ZHX3: variants seen among roughly 807,000 people sequenced by gnomAD.
The protein encoded by ZHX3 is zinc fingers and homeoboxes 3, also known as zinc fingers and homeoboxes protein 3.
ZHX3 carries 20 observed loss-of-function variants against 64.5 expected under a neutral mutation model. The observed-to-expected ratio is 0.31, with a 90% CI of 0.22 to 0.45. The LOEUF is 0.45. Among genes scored for constraint, ZHX3 ranks in the 20% least tolerant of loss-of-function variants. The probability of loss-of-function intolerance (pLI) is 1.00; values close to 1 mark genes in which losing one functional copy is unlikely to be tolerated. For synonymous variants in ZHX3, 423 were observed against 461.6 expected (o/e 0.92, Z 1.07); for missense variants, 1,041 against 1,195.8 (o/e 0.87, Z 1.91).
At chr20:41,257,804 G>C (rs2042341421) in intron 2 of ZHX3, among the ~76,000 whole-genome samples, 1 of 145,692 alleles carries the variant, frequency 6.9e-6, no homozygotes, top group Non-Finnish European at 1.5e-5. Flanking sequence ...GTAGAGACGG[G>C]GTTTCACCAT....
intron 2 of ZHX3, among the ~76,000 whole-genome samples, chr20:41,211,861 C>A (rs2039181885): frequency 6.6e-6 from 1 of 152,192 alleles, no homozygotes; most frequent in Non-Finnish European, 1.5e-5. Context: ...ATCAACATTT[C>A]TAAGCTCCTT....
Position 41,184,005 on chromosome 20 carries a change from G to T in ZHX3, c.*1186C>A, listed in dbSNP as rs1182694245. On this transcript the variant is annotated 3_prime_UTR_variant, in exon 4 of 4. Transcript: ENST00000683867. ...GACCAGTGATGCCCAGCACCCTTGG[G>T]CATGCATCCAGCACACCGGCCAGAC... 2.0e-5 allele frequency: 3 copies of T among 152,164 alleles called. No homozygotes were observed. Among genetic ancestry groups the T allele is most frequent in the Non-Finnish European group, 4.4e-5 (3 of 68,062 alleles). The allele number at this position is 152,164 out of a possible 1,614,324, so 9.4% of individuals were successfully genotyped here.
chr20:41,257,122 A>C (rs1436548784), intron 2 of ZHX3, among the ~76,000 whole-genome samples: 1 of 152,198 alleles, frequency 6.6e-6, no homozygotes, highest in African/African-American at 2.4e-5. Flanking sequence ...AAATGCCTCC[A>C]GAAGATTGTG....
intron 2 of ZHX3, among the ~76,000 whole-genome samples, chr20:41,257,612 CTTTT>C (rs1223401714): frequency 2.9e-5 from 4 of 137,812 alleles, no homozygotes; most frequent in East Asian, 2.1e-4. Context: ...TCTTTTCTTT[CTTTT>C]TTTTTTTTTT....
Position 41,201,390 on chromosome 20 carries a change from AAATC to A in ZHX3, c.2860+663_2860+666del. The stretch of plus-strand genomic sequence containing the variant: ...GGAACTCAGTGACCAGGAACCTAGA[AAATC>A]AACACGTAATAACATGACTTGTCTG... On this transcript the variant is annotated intron_variant, in intron 3 of 3. Coordinates refer to ENST00000683867, the MANE Select transcript of ZHX3 (RefSeq NM_001384317.1). This position sits in a 1 kb window ranked among gnomAD's most constrained non-coding sequence, Gnocchi z 5.0. 7.7e-7 allele frequency: 1 copy of A among 1,302,300 alleles called. No homozygotes were observed. Among genetic ancestry groups the A allele is most frequent in the Non-Finnish European group, 1.0e-6 (1 of 986,908 alleles). The allele number at this position is 1,302,300 out of a possible 1,614,324, so 80.7% of individuals were successfully genotyped here.
chr20:41,196,398 T>C (rs1378769325), intron 3 of ZHX3, among the ~76,000 whole-genome samples: 7 of 40,150 alleles, frequency 1.7e-4, no homozygotes, highest in African/African-American at 1.8e-4. Context: ...TATATTTATA[T>C]ATATTATATA....
At chr20:41,242,355 G>C (rs1206625595) in intron 2 of ZHX3, among the ~76,000 whole-genome samples, 26 of 152,202 alleles carry the variant, frequency 1.7e-4, no homozygotes, top group Admixed American at 1.7e-3. Context: ...CAATTCCAAA[G>C]CCTAGATTCT....
intron 2 of ZHX3, among the ~76,000 whole-genome samples, chr20:41,265,089 T>C (rs1401070643): frequency 1.3e-5 from 2 of 151,652 alleles, no homozygotes; most frequent in Non-Finnish European, 2.9e-5. Flanking sequence ...AACATAAAAA[T>C]GAAGGAGAGA....
chr20:41,192,149 G>A (rs1190351508), intron 3 of ZHX3, among the ~76,000 whole-genome samples: 1 of 152,154 alleles, frequency 6.6e-6, no homozygotes, highest in East Asian at 1.9e-4. Flanking sequence ...AACAGGCTGG[G>A]CGGCCCATTC....
intron 1 of ZHX3, among the ~76,000 whole-genome samples, chr20:41,282,756 C>A (rs546315406): frequency 6.6e-6 from 1 of 152,258 alleles, no homozygotes; most frequent in African/African-American, 2.4e-5. Context: ...TTGAACTGGG[C>A]AAACAAGGAA....
chr20:41,310,924 T>C lies in ZHX3; in HGVS notation c.-245+6585A>G, dbSNP rs564233506. On this transcript the variant is annotated intron_variant, in intron 1 of 3. Coordinates refer to ENST00000683867, the MANE Select transcript of ZHX3 (RefSeq NM_001384317.1). ...CCCAGGTTCAAGCAATTCTCCTGCC[T>C]CAGCCTCCTGAGTAGCTGGGACTAC... Among the ~76,000 whole-genome samples the C allele has an allele frequency of 1.2e-4, 18 of 147,620 alleles. 1 individual carries two copies. In the East Asian group the frequency reaches 3.6e-3, roughly 29 times the overall value.
At chr20:41,240,169 G>GTATTTTTT (rs899731563) in intron 2 of ZHX3, among the ~76,000 whole-genome samples, 1 of 152,076 alleles carries the variant, frequency 6.6e-6, no homozygotes, top group Non-Finnish European at 1.5e-5. Context: ...GCTAATTTTT[G>GTATTTTTT]TATTTTTTTA....
In ZHX3 at chr20:41,204,727, G is replaced by A; in HGVS notation, c.190C>T (p.Leu64=). The A allele has an allele frequency of 6.2e-7, 1 of 1,614,260 alleles. No individual in the cohort carries two copies. The highest frequency in any genetic ancestry group is 8.5e-7 in the Non-Finnish European group (1 of 1,180,054). The change falls in exon 3 of 4, where the codon CTG becomes TTG. Residue 64 remains leucine, a synonymous_variant. Coordinates refer to ENST00000683867, the MANE Select transcript of ZHX3 (RefSeq NM_001384317.1). The surrounding 1 kb of genome is among the most constrained non-coding windows in gnomAD (Gnocchi z 6.6). ...AAAGTGCTCCGATGCCCATTGGCCA[G>A]TGTAGAGCCATCAGTACTGCTGGGG... is the stretch of plus-strand genomic sequence containing the variant. ...QNPSSTDGST[L]ANGHRSTLDG...
chr20:41,201,655 C>G lies in ZHX3; in HGVS notation c.2860+402G>C, dbSNP rs192972445. On this transcript the variant is annotated intron_variant, in intron 3 of 3. Coordinates refer to ENST00000683867, the MANE Select transcript of ZHX3 (RefSeq NM_001384317.1). This position sits in a 1 kb window ranked among gnomAD's most constrained non-coding sequence, Gnocchi z 5.0. Reference sequence around the variant, plus strand: ...ATGTATCTAAGGACAATTAAAGGCTCTCTTTCCTTTTCATCAATTTGAGCT... The same window carrying G: ...ATGTATCTAAGGACAATTAAAGGCTGTCTTTCCTTTTCATCAATTTGAGCT... Among the ~76,000 whole-genome samples, 7 of 152,296 alleles carry G rather than the reference C, an allele frequency of 4.6e-5. No homozygotes were observed. Among genetic ancestry groups the G allele is most frequent in the Admixed American group, 3.9e-4 (6 of 15,294 alleles).
intron 1 of ZHX3, among the ~76,000 whole-genome samples, chr20:41,313,051 G>A (rs1214512196): frequency 2.6e-5 from 4 of 152,182 alleles, no homozygotes; most frequent in African/African-American, 4.8e-5. Flanking sequence ...TATTCTAGAG[G>A]CTAGGCCAAA....
At chr20:41,208,456 A>G (rs2038903211) in intron 2 of ZHX3, among the ~76,000 whole-genome samples, 1 of 152,234 alleles carries the variant, frequency 6.6e-6, no homozygotes, top group Admixed American at 6.5e-5. Context: ...AATACTGGCA[A>G]ATCGAATCCA....
rs537868154 is a variant in ZHX3, at chr20:41,187,139, C to T, written c.2861-1938G>A. Among the ~76,000 whole-genome samples the T allele has an allele frequency of 1.4e-4, 22 of 151,728 alleles. No homozygotes were observed. In the South Asian group the frequency reaches 4.6e-3, roughly 32 times the overall value. On this transcript the variant is annotated intron_variant, in intron 3 of 3. Transcript: ENST00000683867. ...TTCAAGACCAGCCTGGGCAACATAGCAAGATCCTGTCTACACACACACCCA... is the reference window on the plus strand; with the variant it reads ...TTCAAGACCAGCCTGGGCAACATAGTAAGATCCTGTCTACACACACACCCA...
chr20:41,224,778 CCTT>C lies in ZHX3; in HGVS notation c.-150-19715_-150-19713del, dbSNP rs2040156518. On this transcript the variant is annotated intron_variant, in intron 2 of 3. Transcript: ENST00000683867. The surrounding 1 kb of genome is among the most constrained non-coding windows in gnomAD (Gnocchi z 5.2). ...TTCCCCTTTGCCTCTTTGAAATCTACCTTCTTAAGAAAGGAATGTTAGACTTTC... is the reference window on the plus strand; with the variant it reads ...TTCCCCTTTGCCTCTTTGAAATCTACCTTAAGAAAGGAATGTTAGACTTTC... Among the ~76,000 whole-genome samples, 1 of 152,212 alleles carries C rather than the reference CCTT, an allele frequency of 6.6e-6. No individual in the cohort carries two copies. Among genetic ancestry groups the C allele is most frequent in the South Asian group, 2.1e-4 (1 of 4,834 alleles).
At chr20:41,242,287 C>T (rs373703436) in intron 2 of ZHX3, among the ~76,000 whole-genome samples, 1 of 152,202 alleles carries the variant, frequency 6.6e-6, no homozygotes, top group East Asian at 1.9e-4. Context: ...ATGGCTAAGT[C>T]ATTTGACTCA....
Sources: allele counts gnomAD v4.1 joint callset (sites outside exome capture counted in the v4.1 genomes callset), GRCh38; gene constraint gnomAD v4.1.1; non-coding constraint Gnocchi (gnomAD v3.1); transcripts MANE v1.5; gene names NCBI Gene and HGNC (gene_info 2026-07-23, HGNC 2026-07-21).